DPP10: variants seen among roughly 807,000 people sequenced by gnomAD.
The protein encoded by DPP10 is inactive dipeptidyl peptidase 10.
A neutral mutation model predicts 120.9 loss-of-function variants in DPP10; 33 were observed. The observed-to-expected ratio is 0.27, with a 90% CI of 0.21 to 0.37. The LOEUF (loss-of-function observed/expected upper bound fraction) is 0.37, where lower values mean the gene tolerates loss of function less well. Among genes scored for constraint, DPP10 ranks in the 10% least tolerant of loss-of-function variants. The pLI, the probability that DPP10 is intolerant of heterozygous loss-of-function variation, is 1.00. For synonymous variants in DPP10, 337 were observed against 326.1 expected, an observed-to-expected ratio of 1.03 and a Z score of -0.36; for missense variants, 816 against 942.8, an observed-to-expected ratio of 0.87 and a Z score of 1.76.
chr2:115,053,310 C>T lies in DPP10; in HGVS notation c.61-255929C>T, dbSNP rs114083560. Among the ~76,000 whole-genome samples, 1,090 of 152,280 alleles carry T rather than the reference C, an allele frequency of 7.2e-3. 8 individuals carry two copies. The highest frequency in any genetic ancestry group is 0.025 in the African/African-American group (1,033 of 41,556). ...CAAAAAGCAACACAGTACTAGCACA[C>T]GCTACAATATCCATGAACTCTGAAA... is the stretch of plus-strand genomic sequence containing the variant. On this transcript the variant is annotated intron_variant, in intron 1 of 25. Coordinates refer to ENST00000410059, the MANE Select transcript of DPP10 (RefSeq NM_020868.6).
At chr2:115,047,984 A>G (rs2105330807) in intron 1 of DPP10, among the ~76,000 whole-genome samples, 1 of 152,196 alleles carries the variant, frequency 6.6e-6, no homozygotes, top group South Asian at 2.1e-4. Flanking sequence ...TTCTGTGTTC[A>G]TAACTTAGTC....
At chr2:115,597,436 T>G (rs1170389160) in intron 5 of DPP10, among the ~76,000 whole-genome samples, 1 of 151,914 alleles carries the variant, frequency 6.6e-6, no homozygotes, top group Non-Finnish European at 1.5e-5. Context: ...CAAACGTAAG[T>G]ACCATGTACA....
chr2:114,605,072 A>G (rs534281530), intron 1 of DPP10, among the ~76,000 whole-genome samples: 1 of 152,250 alleles, frequency 6.6e-6, no homozygotes, highest in Admixed American at 6.6e-5. Context: ...GTCCAAATAC[A>G]GAAAGGCCTT....
intron 1 of DPP10, among the ~76,000 whole-genome samples, chr2:114,931,379 G>C (rs1483773665): frequency 1.3e-5 from 2 of 152,158 alleles, no homozygotes; most frequent in African/African-American, 4.8e-5. Context: ...AGCCAACATG[G>C]GCAGAGATCA....
intron 1 of DPP10, among the ~76,000 whole-genome samples, chr2:114,795,939 C>G (rs1050282674): frequency 6.6e-6 from 1 of 152,134 alleles, no homozygotes; most frequent in Admixed American, 6.5e-5. Context: ...AGATGTAATA[C>G]TAAATCATAA....
intron 1 of DPP10, among the ~76,000 whole-genome samples, chr2:114,500,620 C>T (rs1361018027): frequency 6.6e-6 from 1 of 151,924 alleles, no homozygotes. Flanking sequence ...ATGACAGGGG[C>T]CTTAAGAGCA....
chr2:114,508,870 C>T (rs746884168), intron 1 of DPP10, among the ~76,000 whole-genome samples: 3 of 152,024 alleles, frequency 2.0e-5, no homozygotes, highest in Admixed American at 6.5e-5. Context: ...ACCCTGAGAA[C>T]GTGAAATTCA....
At chr2:115,354,619 C>T (rs141182612) in intron 3 of DPP10, among the ~76,000 whole-genome samples, 9 of 151,078 alleles carry the variant, frequency 6.0e-5, no homozygotes, top group African/African-American at 1.9e-4. Context: ...ATGTGCAGAA[C>T]GTGCAGGTTT....
chr2:115,409,545 G>A (rs914793956), intron 3 of DPP10, among the ~76,000 whole-genome samples: 27 of 152,132 alleles, frequency 1.8e-4, no homozygotes, highest in Non-Finnish European at 4.4e-5. Context: ...AATCAGGAAC[G>A]CTTTTACACT....
Position 114,633,838 on chromosome 2 carries a change from C to T in DPP10, c.60+191000C>T, listed in dbSNP as rs142785130. 4.3e-4 allele frequency among the ~76,000 whole-genome samples: 65 copies of T among 151,854 alleles called. No homozygotes were observed. In the East Asian group the frequency reaches 0.012, roughly 27 times the overall value. On this transcript the variant is annotated intron_variant, in intron 1 of 25. Transcript: ENST00000410059. Reference sequence around the variant, plus strand: ...TTATGTTAGCCAGACTGGTCTTGAACTCCTGACCTCAAGTGATCCGCTGGC... The same window carrying T: ...TTATGTTAGCCAGACTGGTCTTGAATTCCTGACCTCAAGTGATCCGCTGGC...
Position 115,403,381 on chromosome 2 carries a change from CTTTTTTTT to C in DPP10, c.271+59498_271+59505del, listed in dbSNP as rs78116780. ...TACTTCTCTCTTTCTTTCTTTCCTT[CTTTTTTTT>C]TTTTTTTTTTTTTTTTTTTTTTTTT... On this transcript the variant is annotated intron_variant, in intron 3 of 25. Coordinates refer to ENST00000410059, the MANE Select transcript of DPP10 (RefSeq NM_020868.6). Among the ~76,000 whole-genome samples the C allele has an allele frequency of 5.3e-3, 629 of 118,274 alleles. 10 individuals carry two copies. Among genetic ancestry groups the C allele is most frequent in the African/African-American group, 0.021 (600 of 28,014 alleles). 77.6% of individuals were successfully genotyped at this position (118,274 alleles called of 152,430 possible). A position where few individuals can be genotyped will look rare whatever the true frequency, so the allele number is the denominator to read the frequency against.
At chr2:115,239,955 G>A (rs907820542) in intron 1 of DPP10, among the ~76,000 whole-genome samples, 1 of 152,160 alleles carries the variant, frequency 6.6e-6, no homozygotes, top group African/African-American at 2.4e-5. Flanking sequence ...TGGTTGCATA[G>A]TATTCCATGG....
chr2:115,087,342 T>C (rs947733555), intron 1 of DPP10, among the ~76,000 whole-genome samples: 1 of 152,076 alleles, frequency 6.6e-6, no homozygotes, highest in Non-Finnish European at 1.5e-5. Context: ...TTCTTCAGCA[T>C]AAAAAACTGA....
chr2:115,147,711 AGT>A (rs763139812), intron 1 of DPP10, among the ~76,000 whole-genome samples: 1 of 152,158 alleles, frequency 6.6e-6, no homozygotes, highest in Non-Finnish European at 1.5e-5. Context: ...ACAAATCCAT[AGT>A]GTAGAAATTG....
chr2:115,124,956 T>A (rs2049996778), intron 1 of DPP10, among the ~76,000 whole-genome samples: 1 of 152,192 alleles, frequency 6.6e-6, no homozygotes, highest in African/African-American at 2.4e-5. Context: ...ACCTTAGAGA[T>A]AATTCATCCT....
At chr2:115,251,333 C>G (rs1420263440) in intron 1 of DPP10, among the ~76,000 whole-genome samples, 1 of 152,164 alleles carries the variant, frequency 6.6e-6, no homozygotes, top group African/African-American at 2.4e-5. Flanking sequence ...AACATAGCAC[C>G]TCTCTTTGTG....
intron 1 of DPP10, among the ~76,000 whole-genome samples, chr2:114,616,758 A>G (rs1459653842): frequency 1.3e-5 from 2 of 152,104 alleles, no homozygotes; most frequent in East Asian, 1.9e-4. Context: ...GAGTCTTTAC[A>G]TGGTGTCAGA....
chr2:115,407,365 TAGAATA>T (rs952773860), intron 3 of DPP10, among the ~76,000 whole-genome samples: 15 of 152,088 alleles, frequency 9.9e-5, no homozygotes, highest in Admixed American at 2.0e-4. Flanking sequence ...TAACTGCCCT[TAGAATA>T]AGGATAAGGA....
At chr2:115,226,683 T>C (rs1434972577) in intron 1 of DPP10, among the ~76,000 whole-genome samples, 6 of 152,176 alleles carry the variant, frequency 3.9e-5, no homozygotes, top group African/African-American at 7.2e-5. Flanking sequence ...TTTAGTAAAA[T>C]GTTTATTTTG....
Sources: allele counts gnomAD v4.1 joint callset (sites outside exome capture counted in the v4.1 genomes callset), GRCh38; gene constraint gnomAD v4.1.1; transcripts MANE v1.5; gene names NCBI Gene and HGNC (gene_info 2026-07-23, HGNC 2026-07-21).